Variants in CUL5 observed in about 807,000 individuals in gnomAD.
CUL5 encodes the protein cullin-5.
CUL5 carries 26 observed loss-of-function variants against 108.8 expected under a neutral mutation model. The observed-to-expected ratio is 0.24, with a 90% CI of 0.18 to 0.33. CUL5 has a LOEUF of 0.33. CUL5 is among the 10% of genes least tolerant of loss of function. The pLI is 1.00. For missense variants in CUL5, 524 were observed against 909.2 expected, an observed-to-expected ratio of 0.58 and a Z score of 5.45; for synonymous variants, 334 against 298.0, an observed-to-expected ratio of 1.12 and a Z score of -1.25.
Position 108,094,972 on chromosome 11 carries a change from C to G in CUL5, c.1728C>G (p.Leu576=). ...GTAGAAAATTACATTGGCATCATCTCATGTCAAATGGAATTGTAAGTAGAT... is the reference window on the plus strand; with the variant it reads ...GTAGAAAATTACATTGGCATCATCTGATGTCAAATGGAATTGTAAGTAGAT... ...HSGRKLHWHH[L]MSNGIITFKN... Residue 576 remains leucine, a synonymous_variant, in exon 15 of 19, where the codon CTC becomes CTG. Coordinates refer to ENST00000393094, the MANE Select transcript of CUL5 (RefSeq NM_003478.6). 1 of 1,607,754 alleles carries G rather than the reference C, an allele frequency of 6.2e-7. No homozygotes were observed. The highest frequency in any genetic ancestry group is 8.5e-7 in the Non-Finnish European group (1 of 1,177,276).
intron 12 of CUL5, 75 bp downstream of exon 12, chr11:108,088,734 G>T: frequency 8.9e-7 from 1 of 1,125,442 alleles, no homozygotes; most frequent in Non-Finnish European, 1.2e-6. Context: ...AGGACTTTCT[G>T]TGATAGTATC....
chr11:108,028,268 A>G (rs1327874022), intron 1 of CUL5, among the ~76,000 whole-genome samples: 1 of 152,260 alleles, frequency 6.6e-6, no homozygotes, highest in East Asian at 1.9e-4. Flanking sequence ...CTTTTATTCT[A>G]GTTGATGGTA....
chr11:108,020,327 G>A (rs4754287), intron 1 of CUL5, among the ~76,000 whole-genome samples: 57,309 of 151,988 alleles, frequency 0.38, 11,843 homozygotes, highest in Middle Eastern at 0.55. Context: ...TCAGGTTAGC[G>A]TTCCCGAAGA....
chr11:108,014,079 G>A (rs576604270), intron 1 of CUL5, among the ~76,000 whole-genome samples: 2 of 152,322 alleles, frequency 1.3e-5, no homozygotes, highest in Admixed American at 6.5e-5. Context: ...AAAAGTTTCA[G>A]ATGTGTTACC....
intron 13 of CUL5, among the ~76,000 whole-genome samples, chr11:108,093,362 AG>A (rs1276290056): frequency 2.0e-5 from 3 of 152,146 alleles, no homozygotes; most frequent in Non-Finnish European, 4.4e-5. Flanking sequence ...CACTTCTTCT[AG>A]GGTATCTTAT....
At chr11:108,093,423 A>T (rs1218215497) in intron 13 of CUL5, among the ~76,000 whole-genome samples, 1 of 152,154 alleles carries the variant, frequency 6.6e-6, no homozygotes, top group East Asian at 1.9e-4. Flanking sequence ...ATTTGCTTTC[A>T]CTAAGTTCCT....
chr11:108,092,173 C>T (rs1591331131), intron 13 of CUL5, among the ~76,000 whole-genome samples: 2 of 152,188 alleles, frequency 1.3e-5, no homozygotes, highest in Middle Eastern at 6.8e-3. Flanking sequence ...CTACTTTATT[C>T]CCACTAGGGT....
At chr11:108,068,762 G>A (rs1011085495) in intron 7 of CUL5, among the ~76,000 whole-genome samples, 1 of 152,138 alleles carries the variant, frequency 6.6e-6, no homozygotes, top group Non-Finnish European at 1.5e-5. Flanking sequence ...GAGCAGAGAT[G>A]ACATGATATC....
intron 4 of CUL5, 31 bp from the exon 5 acceptor site, chr11:108,052,629 A>G (rs1266705800): frequency 1.3e-6 from 2 of 1,563,090 alleles, no homozygotes; most frequent in South Asian, 1.2e-5. Flanking sequence ...ATAATTGAAA[A>G]TTATGTTACA....
At chr11:108,064,426 G>T (rs529294508) in intron 7 of CUL5, among the ~76,000 whole-genome samples, 11 of 152,282 alleles carry the variant, frequency 7.2e-5, no homozygotes, top group African/African-American at 2.6e-4. Context: ...TGGTTTGCTA[G>T]TCTGGGCTCA....
At chr11:108,057,279 C>T (rs1265119783) in intron 7 of CUL5, among the ~76,000 whole-genome samples, 1 of 152,108 alleles carries the variant, frequency 6.6e-6, no homozygotes, top group African/African-American at 2.4e-5. Context: ...TCTCCCACCT[C>T]GACCTCCCAG....
intron 7 of CUL5, among the ~76,000 whole-genome samples, chr11:108,061,966 C>G (rs937942063): frequency 2.0e-5 from 3 of 151,850 alleles, no homozygotes; most frequent in African/African-American, 7.3e-5. Context: ...TTGAGAATTC[C>G]CTGTCACAAG....
At chr11:108,073,626 C>A in intron 10 of CUL5, 129 bp downstream of exon 10, 1 of 439,534 alleles carries the variant, frequency 2.3e-6, no homozygotes, top group African/African-American at 2.0e-5. Context: ...TATTTTTCAT[C>A]AGTGGAGAAC....
At chr11:108,065,486 C>T (rs1170649030) in intron 7 of CUL5, among the ~76,000 whole-genome samples, 1 of 152,118 alleles carries the variant, frequency 6.6e-6, no homozygotes, top group Admixed American at 6.6e-5. Context: ...CTGGAATGGG[C>T]GATTCCCCTC....
At chr11:108,071,621 A>G (rs1259635010) in intron 8 of CUL5, among the ~76,000 whole-genome samples, 1 of 152,162 alleles carries the variant, frequency 6.6e-6, no homozygotes, top group African/African-American at 2.4e-5. Flanking sequence ...ATCACGGCTC[A>G]CTGCAGCCTC....
At chr11:108,086,891 C>G (rs1404532117) in intron 11 of CUL5, among the ~76,000 whole-genome samples, 1 of 152,192 alleles carries the variant, frequency 6.6e-6, no homozygotes, top group Non-Finnish European at 1.5e-5. Flanking sequence ...AGTTAGGTAT[C>G]AGATCCTAGT....
intron 7 of CUL5, among the ~76,000 whole-genome samples, chr11:108,061,137 G>A (rs943514779): frequency 6.6e-6 from 1 of 152,070 alleles, no homozygotes; most frequent in Non-Finnish European, 1.5e-5. Context: ...TTTTCTTCAC[G>A]GAATCTAGCA....
At chr11:108,072,483 A>G (rs1410824529) in intron 9 of CUL5, 21 bp downstream of exon 9, 1 of 1,585,718 alleles carries the variant, frequency 6.3e-7, no homozygotes, top group Non-Finnish European at 8.6e-7. Context: ...TTTCAATGGC[A>G]ATGATAGATA....
chr11:108,106,469 A>G lies in CUL5; in HGVS notation c.*2085A>G, dbSNP rs1864803517. 1 of 152,232 alleles carries G rather than the reference A, an allele frequency of 6.6e-6. No homozygotes were observed. Among genetic ancestry groups the G allele is most frequent in the Non-Finnish European group, 1.5e-5 (1 of 67,946 alleles). 9.4% of individuals were successfully genotyped at this position (152,232 alleles called of 1,614,324 possible). A position where few individuals can be genotyped will look rare whatever the true frequency, so the allele number is the denominator to read the frequency against. On this transcript the variant is annotated 3_prime_UTR_variant, in exon 19 of 19. Transcript: ENST00000393094. The stretch of plus-strand genomic sequence containing the variant: ...TTTTTATTAAATTTTATAAATTTTT[A>G]ATAGCCAATTATGTCCTAATTGTAT...
Sources: gnomAD v4.1 joint callset for allele counts (sites outside exome capture counted in the v4.1 genomes callset) on GRCh38, gnomAD v4.1.1 for gene constraint, MANE v1.5 for transcripts, NCBI Gene and HGNC (gene_info 2026-07-23, HGNC 2026-07-21) for gene names.